PTPRQ: variants seen among roughly 807,000 people sequenced by gnomAD.
PTPRQ encodes the protein phosphatidylinositol phosphatase PTPRQ.
In PTPRQ, 199 loss-of-function variants were observed where a neutral mutation model predicts 246.0. The ratio of observed to expected loss-of-function variants is 0.81; its 90% confidence interval spans 0.72 to 0.91. PTPRQ has a LOEUF of 0.91. Ranked by LOEUF, PTPRQ falls within the 40% of genes least tolerant of loss-of-function variation. The pLI, the probability that PTPRQ is intolerant of heterozygous loss-of-function variation, is 0.00. For missense variants in PTPRQ, 2,624 were observed against 2,528.4 expected (o/e 1.04, Z -0.81); for synonymous variants, 869 against 853.2 (o/e 1.02, Z -0.32).
intron 33 of PTPRQ, 26 bp from the exon 34 acceptor site, chr12:80,632,166 A>T: frequency 6.5e-7 from 1 of 1,538,504 alleles, no homozygotes; most frequent in Non-Finnish European, 8.8e-7. Flanking sequence ...ATAATATTTA[A>T]TGATCCTGTT....
At chr12:80,561,377 C>G (rs1171719460) in intron 25 of PTPRQ, 2 of 152,644 alleles carry the variant, frequency 1.3e-5, no homozygotes, top group East Asian at 3.8e-4. Flanking sequence ...TGGGAAGGTG[C>G]TGCTCACTGC....
chr12:80,496,966 CA>C (rs1360869261), intron 14 of PTPRQ, among the ~76,000 whole-genome samples: 1 of 151,750 alleles, frequency 6.6e-6, no homozygotes. Flanking sequence ...ATGGAGGAGA[CA>C]GCATTTGGCC....
chr12:80,544,523 T>C (rs1565776946), intron 23 of PTPRQ, among the ~76,000 whole-genome samples: 2 of 152,210 alleles, frequency 1.3e-5, no homozygotes, highest in Non-Finnish European at 2.9e-5. Flanking sequence ...TCATTTGGGA[T>C]GGGCAGTAGT....
intron 43 of PTPRQ, among the ~76,000 whole-genome samples, chr12:80,675,219 T>C (rs1463282362): frequency 6.6e-6 from 1 of 152,154 alleles, no homozygotes; most frequent in Non-Finnish European, 1.5e-5. Flanking sequence ...CTGAAATTGG[T>C]TTAATGTTTG....
At chr12:80,648,988 G>T in intron 36 of PTPRQ, 65 bp downstream of exon 36, 2 of 1,406,684 alleles carry the variant, frequency 1.4e-6, no homozygotes, top group South Asian at 1.5e-5. Flanking sequence ...TGACTCAGTA[G>T]AACCTTAATG....
At chr12:80,499,120 T>C (rs74779738) in intron 14 of PTPRQ, among the ~76,000 whole-genome samples, 2 of 5,170 alleles carry the variant, frequency 3.9e-4, no homozygotes, top group Admixed American at 3.6e-3. Context: ...GAGAAGTAAA[T>C]TGGGGCTTGA....
chr12:80,544,107 C>A (rs1007972493), intron 23 of PTPRQ, among the ~76,000 whole-genome samples: 3 of 152,072 alleles, frequency 2.0e-5, no homozygotes, highest in African/African-American at 7.2e-5. Context: ...AGCGGTGAAG[C>A]AAGGGCTCTG....
chr12:80,513,122 A>C (rs1295521291), intron 17 of PTPRQ, among the ~76,000 whole-genome samples: 1 of 150,678 alleles, frequency 6.6e-6, no homozygotes, highest in East Asian at 2.0e-4. Context: ...GCTCAGTTAG[A>C]CCCCCTGCCT....
chr12:80,597,408 A>T (rs1029444830), intron 26 of PTPRQ, among the ~76,000 whole-genome samples: 1 of 151,944 alleles, frequency 6.6e-6, no homozygotes, highest in African/African-American at 2.4e-5. Flanking sequence ...TGTTCTAAAA[A>T]CTTTGGGAAT....
intron 25 of PTPRQ, among the ~76,000 whole-genome samples, chr12:80,551,601 C>G (rs1290096091): frequency 6.6e-6 from 1 of 152,090 alleles, no homozygotes; most frequent in Non-Finnish European, 1.5e-5. Flanking sequence ...ACCTGAAGCA[C>G]AGAAGTAATA....
At chr12:80,592,384 C>T (rs746322528) in intron 26 of PTPRQ, among the ~76,000 whole-genome samples, 2 of 151,926 alleles carry the variant, frequency 1.3e-5, no homozygotes, top group Non-Finnish European at 2.9e-5. Flanking sequence ...AAATATTGTA[C>T]AATTGAATTT....
chr12:80,635,425 C>T (rs1899608906), intron 35 of PTPRQ, among the ~76,000 whole-genome samples: 1 of 152,136 alleles, frequency 6.6e-6, no homozygotes, highest in African/African-American at 2.4e-5. Flanking sequence ...CATTTTCAAT[C>T]ACAGGTTTAA....
intron 26 of PTPRQ, among the ~76,000 whole-genome samples, chr12:80,591,263 C>G (rs886261284): frequency 1.3e-4 from 19 of 151,124 alleles, no homozygotes; most frequent in African/African-American, 4.6e-4. Flanking sequence ...GTAGCTAAGA[C>G]TACAGGCACA....
At chr12:80,641,747 G>A (rs1899862551) in intron 35 of PTPRQ, among the ~76,000 whole-genome samples, 1 of 152,066 alleles carries the variant, frequency 6.6e-6, no homozygotes, top group East Asian at 1.9e-4. Context: ...TAACCTCTGG[G>A]CCATTCCAGA....
intron 14 of PTPRQ, among the ~76,000 whole-genome samples, chr12:80,496,753 T>C (rs1894638303): frequency 6.6e-6 from 1 of 152,128 alleles, no homozygotes; most frequent in Admixed American, 6.6e-5. Flanking sequence ...AATCAAAATC[T>C]GTGAATTTTC....
rs913196687 is a variant in PTPRQ at position 80,472,170 on chromosome 12, A to G, written c.1105A>G (p.Met369Val). ...ATTCACTAACCTAACACCATTTACAATGTATGATGTCTATATTGCGGCTGA... is the reference window on the plus strand; with the variant it reads ...ATTCACTAACCTAACACCATTTACAGTGTATGATGTCTATATTGCGGCTGA... ...FAFTNLTPFT[M>V]YDVYIAAETS... Residue 369 changes from methionine (M) to valine (V), a missense_variant, in exon 8 of 45, where the codon ATG (methionine) becomes GTG (valine). By Grantham distance (21) the Met-to-Val change is conservative. Coordinates refer to ENST00000644991, the MANE Select transcript of PTPRQ (RefSeq NM_001145026.2). The G allele has an allele frequency of 5.2e-6, 8 of 1,551,488 alleles. No individual in the cohort carries two copies. The highest frequency in any genetic ancestry group is 6.1e-6 in the Non-Finnish European group (7 of 1,146,956).
chr12:80,605,116 G>A lies in PTPRQ; in HGVS notation c.4667G>A (p.Ser1556Asn). 1 of 1,545,544 alleles carries A rather than the reference G, an allele frequency of 6.5e-7. No homozygotes were observed. The highest frequency in any genetic ancestry group is 8.7e-7 in the Non-Finnish European group (1 of 1,143,280). Residue 1556 changes from serine to asparagine, a missense_variant, in exon 27 of 45, where the codon AGC (serine) becomes AAC (asparagine). Ser to Asn is a conservative substitution (Grantham distance 46, BLOSUM62 1). Transcript: ENST00000644991. ...HVVATSPFSISISWSEPAVIT... is the reference protein window; with the variant it reads ...HVVATSPFSINISWSEPAVIT... ...GTAGCAACATCACCTTTTAGCATCAGCATAAGCTGGAGTGAACCTGCTGTC... is the reference window on the plus strand; with the variant it reads ...GTAGCAACATCACCTTTTAGCATCAACATAAGCTGGAGTGAACCTGCTGTC...
chr12:80,539,088 T>A (rs1479556974), intron 19 of PTPRQ, among the ~76,000 whole-genome samples: 1 of 152,154 alleles, frequency 6.6e-6, no homozygotes, highest in Non-Finnish European at 1.5e-5. Flanking sequence ...ATATGTTTTA[T>A]TTTTAAAATT....
intron 25 of PTPRQ, among the ~76,000 whole-genome samples, chr12:80,580,482 AGT>A (rs1897399610): frequency 6.6e-6 from 1 of 152,178 alleles, no homozygotes; most frequent in South Asian, 2.1e-4. Context: ...TGCTGAAATG[AGT>A]GTAATCCTTT....
Sources: gnomAD v4.1 joint callset for allele counts (sites outside exome capture counted in the v4.1 genomes callset) on GRCh38, gnomAD v4.1.1 for gene constraint, MANE v1.5 for transcripts, NCBI Gene and HGNC (gene_info 2026-07-23, HGNC 2026-07-21) for gene names.